Variants in OSBPL3 observed in about 807,000 individuals in gnomAD.
OSBPL3 encodes the protein oxysterol-binding protein-related protein 3.
In OSBPL3, 65 loss-of-function variants were observed where a neutral mutation model predicts 120.1. The observed-to-expected ratio is 0.54, with a 90% CI of 0.44 to 0.67. The LOEUF (loss-of-function observed/expected upper bound fraction) is 0.67, where lower values mean the gene tolerates loss of function less well. Ranked by LOEUF, OSBPL3 falls within the 30% of genes least tolerant of loss-of-function variation. OSBPL3 has a pLI of 0.00. For synonymous variants in OSBPL3, 416 were observed against 402.6 expected, an observed-to-expected ratio of 1.03 and a Z score of -0.40; for missense variants, 1,004 against 1,082.1, an observed-to-expected ratio of 0.93 and a Z score of 1.01.
rs553131202 is a variant in OSBPL3, at chr7:24,819,184, C to T, written c.1948+991G>A. Among the ~76,000 whole-genome samples the T allele has an allele frequency of 4.7e-5, 7 of 147,426 alleles. No homozygotes were observed. The highest frequency in any genetic ancestry group is 4.3e-4 in the South Asian group (2 of 4,688). The stretch of plus-strand genomic sequence containing the variant: ...AGGAGAATCACTTGAACACGGGAGA[C>T]GGAGGTTGCAGTGAGCCGAGATCGC... On this transcript the variant is annotated intron_variant, in intron 17 of 22. Coordinates refer to ENST00000313367, the MANE Select transcript of OSBPL3 (RefSeq NM_015550.4). This position sits in a 1 kb window ranked among gnomAD's most constrained non-coding sequence, Gnocchi z 4.1.
At position 24,934,328 on chromosome 7, in the gene OSBPL3, C is replaced by A. The variant is rs57236584; in HGVS notation, c.-149-41707G>T. On this transcript the variant is annotated intron_variant, in intron 1 of 22. Transcript: ENST00000313367. ...GTTTTAAGCTTTAATGACAGATAACCGAGTTCCTCAGATCAAAGACACAAT... is the reference window on the plus strand; with the variant it reads ...GTTTTAAGCTTTAATGACAGATAACAGAGTTCCTCAGATCAAAGACACAAT... Among the ~76,000 whole-genome samples, 8 of 152,024 alleles carry A rather than the reference C, an allele frequency of 5.3e-5. No individual in the cohort carries two copies. In the East Asian group the frequency reaches 1.5e-3, roughly 29 times the overall value.
chr7:24,895,782 T>C (rs1366234341), intron 1 of OSBPL3, among the ~76,000 whole-genome samples: 1 of 152,198 alleles, frequency 6.6e-6, no homozygotes, highest in Non-Finnish European at 1.5e-5. Context: ...TTCAACAATA[T>C]ATGATAATTT....
Position 24,968,059 on chromosome 7 carries a change from G to A in OSBPL3, c.-150+11827C>T, listed in dbSNP as rs1189159670. On this transcript the variant is annotated intron_variant, in intron 1 of 22. Transcript: ENST00000313367. The surrounding 1 kb of genome is among the most constrained non-coding windows in gnomAD (Gnocchi z 4.6). ...TTACTTGGAGTAATACATTTACTTGGAATAATATTCAAAAGGTATAATTTC... is the reference window on the plus strand; with the variant it reads ...TTACTTGGAGTAATACATTTACTTGAAATAATATTCAAAAGGTATAATTTC... 6.6e-6 allele frequency among the ~76,000 whole-genome samples: 1 copy of A among 152,080 alleles called. No homozygotes were observed. The highest frequency in any genetic ancestry group is 2.4e-5 in the African/African-American group (1 of 41,384).
chr7:24,800,191 A>C lies in OSBPL3; in HGVS notation c.2656T>G (p.Leu886Val). Reference sequence around the variant, plus strand: ...CTTTCTTCTTTACTTTTTCACCATAAGACAGGATGGTCCAGTTTGGAAAAA... The same window carrying C: ...CTTTCTTCTTTACTTTTTCACCATACGACAGGATGGTCCAGTTTGGAAAAA... The part of the protein sequence containing the change: ...LGFSKLDHPV[L>V]W The change falls in exon 23 of 23, where the codon TTA (leucine) becomes GTA (valine). Residue 886 changes from leucine to valine, a missense_variant. Leu to Val is a conservative substitution (Grantham distance 32). This residue lies in a region of OSBPL3 where 473 missense variants were observed against 568.0 expected (regional missense o/e 0.83). Coordinates refer to ENST00000313367, the MANE Select transcript of OSBPL3 (RefSeq NM_015550.4). 6.3e-7 allele frequency: 1 copy of C among 1,583,750 alleles called. No individual in the cohort carries two copies. Among genetic ancestry groups the C allele is most frequent in the Non-Finnish European group, 8.7e-7 (1 of 1,152,302 alleles).
At chr7:24,951,549 T>C (rs1814439426) in intron 1 of OSBPL3, among the ~76,000 whole-genome samples, 1 of 152,216 alleles carries the variant, frequency 6.6e-6, no homozygotes, top group Non-Finnish European at 1.5e-5. Context: ...CAGAAGACTA[T>C]TAGTATTTAT....
In OSBPL3 at chr7:24,834,527, G is replaced by A. The variant is rs1398622705; in HGVS notation, c.1705C>T (p.Leu569=). The A allele has an allele frequency of 6.2e-7, 1 of 1,613,918 alleles. No homozygotes were observed. The highest frequency in any genetic ancestry group is 2.2e-5 in the East Asian group (1 of 44,876). The change falls in exon 15 of 23, where the codon CTG becomes TTG. Residue 569 remains leucine, a synonymous_variant. Coordinates refer to ENST00000313367, the MANE Select transcript of OSBPL3 (RefSeq NM_015550.4). The surrounding 1 kb of genome is among the most constrained non-coding windows in gnomAD (Gnocchi z 5.2). ...LCEELEYSEL[L]DKAAQIPSPL... ...CTGGGAATCTGCGCGGCCTTGTCCA[G>A]GAGCTCGCTGTACTCCAGCTCCTCG... is the stretch of plus-strand genomic sequence containing the variant.
In OSBPL3 at chr7:24,817,415, G is replaced by A. The variant is rs1033232448; in HGVS notation, c.1949-727C>T. 3.3e-5 allele frequency among the ~76,000 whole-genome samples: 5 copies of A among 152,114 alleles called. No homozygotes were observed. Among genetic ancestry groups the A allele is most frequent in the African/African-American group, 1.2e-4 (5 of 41,392 alleles). On this transcript the variant is annotated intron_variant, in intron 17 of 22. Coordinates refer to ENST00000313367, the MANE Select transcript of OSBPL3 (RefSeq NM_015550.4). The surrounding 1 kb of genome is among the most constrained non-coding windows in gnomAD (Gnocchi z 4.0). ...GCCTGTAGTCCCAGCTGCTCAGGAG[G>A]CTGAGGCAGGAACCCAAGAGGTGGA...
intron 1 of OSBPL3, among the ~76,000 whole-genome samples, chr7:24,914,397 G>T (rs1809265715): frequency 6.6e-6 from 1 of 152,004 alleles, no homozygotes; most frequent in African/African-American, 2.4e-5. Context: ...TGTGGCCAGT[G>T]CAACTAAGAA....
rs546808517 is a variant in OSBPL3 at position 24,895,493 on chromosome 7, TCA to T, written c.-149-2874_-149-2873del. Among the ~76,000 whole-genome samples the T allele has an allele frequency of 5.6e-3, 854 of 152,330 alleles. 7 individuals carry two copies. The highest frequency in any genetic ancestry group is 8.5e-3 in the Non-Finnish European group (579 of 68,020). ...ATGAAATTGCCTGATGTCACATTTC[TCA>T]CAGTGCTTCCTATCTTAAGCGACGC... On this transcript the variant is annotated intron_variant, in intron 1 of 22. Transcript: ENST00000313367.
chr7:24,850,262 T>C (rs149895479), intron 11 of OSBPL3, among the ~76,000 whole-genome samples: 1 of 152,256 alleles, frequency 6.6e-6, no homozygotes, highest in Non-Finnish European at 1.5e-5. Flanking sequence ...GGCTGAAAGG[T>C]AAAGGAAGCT....
chr7:24,849,885 G>A lies in OSBPL3; in HGVS notation c.1159-709C>T, dbSNP rs578097607. 3.2e-4 allele frequency among the ~76,000 whole-genome samples: 49 copies of A among 151,624 alleles called. 1 individual carries two copies. In the South Asian group the frequency reaches 5.4e-3, roughly 17 times the overall value. On this transcript the variant is annotated intron_variant, in intron 11 of 22. Transcript: ENST00000313367. This position sits in a 1 kb window ranked among gnomAD's most constrained non-coding sequence, Gnocchi z 5.4. Reference sequence around the variant, plus strand: ...TGGGAGAATTGCTTGAACCTGGGAGGCTGACAGATGTTGCAGCGAGCTGAG... The same window carrying A: ...TGGGAGAATTGCTTGAACCTGGGAGACTGACAGATGTTGCAGCGAGCTGAG...
intron 1 of OSBPL3, among the ~76,000 whole-genome samples, chr7:24,906,977 T>C (rs1808031274): frequency 6.6e-6 from 1 of 152,130 alleles, no homozygotes; most frequent in Non-Finnish European, 1.5e-5. Flanking sequence ...CATGCTGATA[T>C]TAATACCTGC....
At chr7:24,934,360 C>A (rs181487417) in intron 1 of OSBPL3, among the ~76,000 whole-genome samples, 3 of 152,110 alleles carry the variant, frequency 2.0e-5, no homozygotes, top group African/African-American at 2.4e-5. Flanking sequence ...CAATAATAGC[C>A]GGGAATAGAA....
intron 2 of OSBPL3, among the ~76,000 whole-genome samples, chr7:24,886,346 A>G (rs1343998046): frequency 6.6e-6 from 1 of 152,244 alleles, no homozygotes; most frequent in Non-Finnish European, 1.5e-5. Context: ...CCAGACGTTC[A>G]ATAGAGTAGT....
chr7:24,921,686 T>A (rs570793139), intron 1 of OSBPL3, among the ~76,000 whole-genome samples: 5 of 152,236 alleles, frequency 3.3e-5, no homozygotes, highest in African/African-American at 9.6e-5. Flanking sequence ...GGGAATCCCA[T>A]CCTACTCCCA....
chr7:24,969,003 G>C lies in OSBPL3; in HGVS notation c.-150+10883C>G, dbSNP rs562582238. ...ATTTTGTGAATTTTGCATATCTGTA[G>C]GATAAAGTTCTTAGGACTGTTATTG... On this transcript the variant is annotated intron_variant, in intron 1 of 22. Coordinates refer to ENST00000313367, the MANE Select transcript of OSBPL3 (RefSeq NM_015550.4). 1.2e-4 allele frequency among the ~76,000 whole-genome samples: 18 copies of C among 152,248 alleles called. No homozygotes were observed. In the East Asian group the frequency reaches 3.1e-3, roughly 26 times the overall value.
At position 24,803,263 on chromosome 7, in the gene OSBPL3, C is replaced by T. The variant is rs1792598331; in HGVS notation, c.2567+1052G>A. Among the ~76,000 whole-genome samples, 1 of 152,170 alleles carries T rather than the reference C, an allele frequency of 6.6e-6. No homozygotes were observed. The highest frequency in any genetic ancestry group is 2.4e-5 in the African/African-American group (1 of 41,420). ...GCAGATGGAGTAGAGCAGGAACTTGCTGCTTTTTCACATACACCTATTTAA... is the reference window on the plus strand; with the variant it reads ...GCAGATGGAGTAGAGCAGGAACTTGTTGCTTTTTCACATACACCTATTTAA... On this transcript the variant is annotated intron_variant, in intron 22 of 22. Transcript: ENST00000313367. This position sits in a 1 kb window ranked among gnomAD's most constrained non-coding sequence, Gnocchi z 4.2.
rs1411481684 is a variant in OSBPL3, at chr7:24,827,211, T to C, written c.1884+3557A>G. ...CCTCTAAGCCATGAGAGCTTATCAA[T>C]GACACATAATGGACAAGGGCGGAGT... On this transcript the variant is annotated intron_variant, in intron 16 of 22. Coordinates refer to ENST00000313367, the MANE Select transcript of OSBPL3 (RefSeq NM_015550.4). The surrounding 1 kb of genome is among the most constrained non-coding windows in gnomAD (Gnocchi z 5.1). Among the ~76,000 whole-genome samples the C allele has an allele frequency of 1.3e-4, 20 of 152,324 alleles. No individual in the cohort carries two copies. Among genetic ancestry groups the C allele is most frequent in the Non-Finnish European group, 1.5e-5 (1 of 68,016 alleles).
chr7:24,926,660 A>G (rs1811089745), intron 1 of OSBPL3, among the ~76,000 whole-genome samples: 1 of 152,198 alleles, frequency 6.6e-6, no homozygotes, highest in Non-Finnish European at 1.5e-5. Flanking sequence ...CGCAGCTCAA[A>G]TGAGGCCTTC....
Sources: allele counts gnomAD v4.1 joint callset (sites outside exome capture counted in the v4.1 genomes callset), GRCh38; gene constraint gnomAD v4.1.1; regional missense constraint gnomAD v4.1.1; non-coding constraint Gnocchi (gnomAD v3.1); transcripts MANE v1.5; gene names NCBI Gene and HGNC (gene_info 2026-07-23, HGNC 2026-07-21).